The following SEC63 variants were observed in gnomAD, a reference collection of about 807,000 sequenced individuals.
SEC63 encodes the protein SEC63 protein translocation regulator, also known as translocation protein SEC63 homolog.
In SEC63, 56 loss-of-function variants were observed where a neutral mutation model predicts 116.2. The ratio of observed to expected loss-of-function variants is 0.48; its 90% CI spans 0.39 to 0.60. SEC63 has a LOEUF of 0.60. Among genes scored for constraint, SEC63 ranks in the 20% least tolerant of loss-of-function variants. The pLI, the probability that SEC63 is intolerant of heterozygous loss-of-function variation, is 0.00. For synonymous variants in SEC63, 273 were observed against 294.6 expected (o/e 0.93, Z 0.75); for missense variants, 668 against 900.0 (o/e 0.74, Z 3.30).
chr6:107,916,519 A>T (rs1218774004), intron 4 of SEC63, among the ~76,000 whole-genome samples: 1 of 152,262 alleles, frequency 6.6e-6, no homozygotes, highest in Non-Finnish European at 1.5e-5. Flanking sequence ...ATTTGCTATT[A>T]TAACTTAGTA....
At position 107,929,406 on chromosome 6, in the gene SEC63, A is replaced by G. The variant is rs1346619644; in HGVS notation, c.224+9T>C. The G allele has an allele frequency of 5.5e-6, 8 of 1,444,862 alleles. No individual in the cohort carries two copies. Among genetic ancestry groups the G allele is most frequent in the Admixed American group, 5.0e-5 (3 of 59,480 alleles). The allele number at this position is 1,444,862 out of a possible 1,614,324, so 89.5% of individuals were successfully genotyped here. On this transcript the variant is annotated intron_variant, in intron 2 of 20. Coordinates refer to ENST00000369002, the MANE Select transcript of SEC63 (RefSeq NM_007214.5). ...TAAGTAGGTTTTTTTCTTGAAATCC[A>G]TTACTTACTTTACTGTAGGAATAAT...
At chr6:107,956,868 C>T (rs966305945) in intron 1 of SEC63, among the ~76,000 whole-genome samples, 3 of 152,090 alleles carry the variant, frequency 2.0e-5, no homozygotes, top group African/African-American at 7.2e-5. Context: ...TCCAGCACAC[C>T]CAATTGAAGA....
Position 107,871,837 on chromosome 6 carries a change from T to C in SEC63, c.2150A>G (p.His717Arg), listed in dbSNP as rs762891363. The change falls in exon 21 of 21, where the codon CAT (histidine) becomes CGT (arginine). Residue 717 changes from histidine (H) to arginine (R), a missense_variant. By Grantham distance (29) the His-to-Arg change is conservative. This residue lies in a region of SEC63 where 85 missense variants were observed against 116.3 expected (regional missense o/e 0.73). Transcript: ENST00000369002. ...DQIKPLKLEV[H>R]EAKPVPENHP... ...ATTTTCTGGCACAGGCTTAGCCTCA[T>C]GAACTTCCAACTAGAAAGAAGAATT... The C allele has an allele frequency of 8.1e-6, 13 of 1,613,682 alleles. No homozygotes were observed. The highest frequency in any genetic ancestry group is 2.2e-5 in the East Asian group (1 of 44,876).
At chr6:107,895,751 G>C (rs1219163811) in intron 14 of SEC63, among the ~76,000 whole-genome samples, 1 of 151,732 alleles carries the variant, frequency 6.6e-6, no homozygotes, top group Non-Finnish European at 1.5e-5. Context: ...AGCCAGGCAT[G>C]GTGGCTCATG....
chr6:107,884,446 T>A (rs1253737430), intron 16 of SEC63, among the ~76,000 whole-genome samples: 1 of 152,028 alleles, frequency 6.6e-6, no homozygotes, highest in African/African-American at 2.4e-5. Flanking sequence ...AAATTATGAA[T>A]AATGTTACGC....
At position 107,877,821 on chromosome 6, in the gene SEC63, C is replaced by T. The variant is rs141368529; in HGVS notation, c.1936-1159G>A. 4.2e-3 allele frequency among the ~76,000 whole-genome samples: 635 copies of T among 152,218 alleles called. 4 individuals carry two copies. Among genetic ancestry groups the T allele is most frequent in the African/African-American group, 0.014 (594 of 41,516 alleles). ...ATTAAAATTTGGTTTATCTTTCAAA[C>T]GCTACTAAGCACAACTAAAAACTCT... On this transcript the variant is annotated intron_variant, in intron 18 of 20. Coordinates refer to ENST00000369002, the MANE Select transcript of SEC63 (RefSeq NM_007214.5).
intron 1 of SEC63, among the ~76,000 whole-genome samples, chr6:107,938,722 A>C (rs1303181100): frequency 2.0e-5 from 3 of 151,080 alleles, no homozygotes; most frequent in Non-Finnish European, 4.4e-5. Context: ...ACACCCAGCT[A>C]ATTTTGTATT....
chr6:107,910,731 A>G lies in SEC63; in HGVS notation c.624+615T>C, dbSNP rs114995627. Among the ~76,000 whole-genome samples the G allele has an allele frequency of 7.7e-4, 118 of 152,282 alleles. 1 individual carries two copies. The highest frequency in any genetic ancestry group is 2.7e-3 in the African/African-American group (113 of 41,552). Reference sequence around the variant, plus strand: ...CATACACACATATGTATACATATGTATATATGTATCTGTGTTAACTCAGTT... The same window carrying G: ...CATACACACATATGTATACATATGTGTATATGTATCTGTGTTAACTCAGTT... On this transcript the variant is annotated intron_variant, in intron 7 of 20. Coordinates refer to ENST00000369002, the MANE Select transcript of SEC63 (RefSeq NM_007214.5).
Position 107,921,794 on chromosome 6 carries a change from T to TA in SEC63, c.452+2dup. 1.9e-6 allele frequency: 3 copies of TA among 1,565,362 alleles called. No individual in the cohort carries two copies. The highest frequency in any genetic ancestry group is 2.6e-6 in the Non-Finnish European group (3 of 1,135,670). On this transcript the variant is annotated splice_region_variant and intron_variant, in intron 4 of 20. Coordinates refer to ENST00000369002, the MANE Select transcript of SEC63 (RefSeq NM_007214.5). Reference sequence around the variant, plus strand: ...AAAATTTGTAATGGATCCTGATACTTACGCAGCATAAGCTTTTGCTATCCT... The same window carrying TA: ...AAAATTTGTAATGGATCCTGATACTTAACGCAGCATAAGCTTTTGCTATCCT...
chr6:107,917,918 A>C (rs1787449443), intron 4 of SEC63, among the ~76,000 whole-genome samples: 1 of 152,244 alleles, frequency 6.6e-6, no homozygotes, highest in East Asian at 1.9e-4. Context: ...ATCACAATGA[A>C]GGTGGCTAAA....
In SEC63 at chr6:107,876,677, A is replaced by AAC; in HGVS notation, c.1936-16_1936-15insGT. The AAC allele has an allele frequency of 6.8e-7, 1 of 1,478,816 alleles. No homozygotes were observed. Among genetic ancestry groups the AAC allele is most frequent in the Non-Finnish European group, 9.3e-7 (1 of 1,075,174 alleles). 91.6% of individuals were successfully genotyped at this position (1,478,816 alleles called of 1,614,324 possible). ...TCTTGTTTTTCCTGGAAACAAAAAAAAAAAAAAAAAAAGAAGAGGGGTATA... is the reference window on the plus strand; with the variant it reads ...TCTTGTTTTTCCTGGAAACAAAAAAAACAAAAAAAAAAAAGAAGAGGGGTATA... On this transcript the variant is annotated splice_polypyrimidine_tract_variant and intron_variant, in intron 18 of 20. Transcript: ENST00000369002.
rs552302040 is a variant in SEC63, at chr6:107,887,308, T to C, written c.1675-4162A>G. 8.3e-5 allele frequency among the ~76,000 whole-genome samples: 12 copies of C among 143,860 alleles called. No individual in the cohort carries two copies. The East Asian group carries it at 1.2e-3, about 14-fold the overall frequency. The allele number at this position is 143,860 out of a possible 152,430, so 94.4% of individuals were successfully genotyped here. Reference sequence around the variant, plus strand: ...AAAGACACATGCACACGTATGTTTATTGCCGCATTATTCACAATAGCAAAG... The same window carrying C: ...AAAGACACATGCACACGTATGTTTACTGCCGCATTATTCACAATAGCAAAG... On this transcript the variant is annotated intron_variant, in intron 16 of 20. Transcript: ENST00000369002.
intron 2 of SEC63, among the ~76,000 whole-genome samples, chr6:107,926,968 G>C (rs1459780759): frequency 2.0e-5 from 3 of 152,144 alleles, no homozygotes; most frequent in Non-Finnish European, 2.9e-5. Flanking sequence ...ATCACATCAT[G>C]CTCTGTGCTC....
chr6:107,948,048 A>G (rs1770511178), intron 1 of SEC63, among the ~76,000 whole-genome samples: 1 of 152,092 alleles, frequency 6.6e-6, no homozygotes, highest in Admixed American at 6.6e-5. Context: ...AAACACCTCC[A>G]TGCTTTTGCA....
intron 16 of SEC63, among the ~76,000 whole-genome samples, chr6:107,885,319 T>C (rs752973243): frequency 1.3e-5 from 2 of 152,236 alleles, no homozygotes; most frequent in Admixed American, 6.5e-5. Flanking sequence ...TAAGACTCTT[T>C]GATACAAGGT....
chr6:107,870,711 G>A lies in SEC63; in HGVS notation c.*993C>T, dbSNP rs1786111619. 1 of 152,006 alleles carries A rather than the reference G, an allele frequency of 6.6e-6. No individual in the cohort carries two copies. Among genetic ancestry groups the A allele is most frequent in the African/African-American group, 2.4e-5 (1 of 41,378 alleles). 9.4% of individuals were successfully genotyped at this position (152,006 alleles called of 1,614,324 possible). ...ATCTTTAGTTGAAAAATAAAGAAGT[G>A]GATTGCCCTATTTATGTCCTGATAG... On this transcript the variant is annotated 3_prime_UTR_variant, in exon 21 of 21. Coordinates refer to ENST00000369002, the MANE Select transcript of SEC63 (RefSeq NM_007214.5).
At chr6:107,934,145 C>G (rs1190444278) in intron 1 of SEC63, among the ~76,000 whole-genome samples, 1 of 152,166 alleles carries the variant, frequency 6.6e-6, no homozygotes, top group African/African-American at 2.4e-5. Context: ...GCCGCCACCC[C>G]GTCTGGGAAG....
intron 7 of SEC63, among the ~76,000 whole-genome samples, chr6:107,910,584 CATGT>C (rs757410079): frequency 8.6e-5 from 13 of 151,954 alleles, no homozygotes; most frequent in South Asian, 2.1e-4. Flanking sequence ...GTGTCATACA[CATGT>C]ATGTCATACA....
chr6:107,925,002 G>T, intron 2 of SEC63, 70 bp from the exon 3 acceptor site: 2 of 889,816 alleles, frequency 2.2e-6, no homozygotes, highest in Admixed American at 1.7e-5. Flanking sequence ...ATTATGGCAA[G>T]GTCAAGGCAA....
Sources: gnomAD v4.1 joint callset for allele counts (sites outside exome capture counted in the v4.1 genomes callset) on GRCh38, gnomAD v4.1.1 for gene constraint, gnomAD v4.1.1 regional missense constraint, MANE v1.5 for transcripts, NCBI Gene and HGNC (gene_info 2026-07-23, HGNC 2026-07-21) for gene names.